Variants in PTPRR observed in about 807,000 individuals in gnomAD.
The protein encoded by PTPRR is receptor-type tyrosine-protein phosphatase R.
In PTPRR, 38 loss-of-function variants were observed where a neutral mutation model predicts 77.2. That is an observed-to-expected ratio of 0.49 (90% confidence interval 0.38 to 0.65). PTPRR has a LOEUF of 0.65. Among genes scored for constraint, PTPRR ranks in the 30% least tolerant of loss-of-function variants. The pLI is 0.00. For missense variants in PTPRR, 744 were observed against 799.2 expected (o/e 0.93, Z 0.83); for synonymous variants, 299 against 283.1 (o/e 1.06, Z -0.57).
chr12:70,745,682 T>G, intron 6 of PTPRR, 136 bp downstream of exon 6: 1 of 1,016,058 alleles, frequency 9.8e-7, no homozygotes, highest in South Asian at 1.7e-5. Flanking sequence ...CAAGAAACAC[T>G]ACTTCATCTG....
At chr12:70,911,016 G>A (rs1893691398) in intron 1 of PTPRR, among the ~76,000 whole-genome samples, 1 of 152,202 alleles carries the variant, frequency 6.6e-6, no homozygotes. Context: ...AAAATCAGCA[G>A]CGAGAAGAGT....
intron 10 of PTPRR, among the ~76,000 whole-genome samples, chr12:70,669,585 CACAA>C (rs935116142): frequency 2.0e-5 from 3 of 151,202 alleles, no homozygotes; most frequent in South Asian, 2.1e-4. Flanking sequence ...CACACACACA[CACAA>C]GCTTGCACAC....
intron 2 of PTPRR, among the ~76,000 whole-genome samples, chr12:70,891,860 C>T (rs1029329597): frequency 2.0e-5 from 3 of 152,048 alleles, no homozygotes; most frequent in African/African-American, 7.2e-5. Context: ...ATTGAATTAT[C>T]TTGGCCACAC....
At chr12:70,709,192 T>G (rs1257879129) in intron 6 of PTPRR, among the ~76,000 whole-genome samples, 1 of 151,992 alleles carries the variant, frequency 6.6e-6, no homozygotes, top group Non-Finnish European at 1.5e-5. Flanking sequence ...TAAATGTAAT[T>G]CATCACATAA....
At chr12:70,814,924 G>A (rs1241526941) in intron 2 of PTPRR, among the ~76,000 whole-genome samples, 1 of 151,776 alleles carries the variant, frequency 6.6e-6, no homozygotes, top group African/African-American at 2.4e-5. Flanking sequence ...CCCAATGTTT[G>A]GAATTCAATA....
intron 2 of PTPRR, among the ~76,000 whole-genome samples, chr12:70,874,053 G>A (rs1475035060): frequency 6.6e-6 from 1 of 152,146 alleles, no homozygotes; most frequent in African/African-American, 2.4e-5. Context: ...CAGCTTTAAG[G>A]AGCAGAACTC....
chr12:70,717,506 CACCAAATTG>C (rs2136832822), intron 6 of PTPRR, among the ~76,000 whole-genome samples: 1 of 152,218 alleles, frequency 6.6e-6, no homozygotes, highest in Non-Finnish European at 1.5e-5. Context: ...GGGATAGGGT[CACCAAATTG>C]AGCAAACACA....
chr12:70,764,824 G>A (rs555873305), intron 2 of PTPRR, 46 bp from the exon 3 acceptor site: 4 of 1,340,042 alleles, frequency 3.0e-6, no homozygotes, highest in East Asian at 4.8e-5. Flanking sequence ...GTATTAATTT[G>A]TATAGATGTA....
chr12:70,642,362 G>C (rs977623996), intron 13 of PTPRR, among the ~76,000 whole-genome samples: 4 of 152,096 alleles, frequency 2.6e-5, no homozygotes, highest in African/African-American at 9.7e-5. Flanking sequence ...TCAGCACAAT[G>C]CTCTTGTTTA....
chr12:70,721,059 A>G (rs1489910718), intron 6 of PTPRR, among the ~76,000 whole-genome samples: 1 of 152,204 alleles, frequency 6.6e-6, no homozygotes, highest in Non-Finnish European at 1.5e-5. Context: ...GATAATCCAC[A>G]AAAACACTCG....
At chr12:70,775,051 T>C (rs1891060182) in intron 2 of PTPRR, among the ~76,000 whole-genome samples, 2 of 152,352 alleles carry the variant, frequency 1.3e-5, no homozygotes, top group South Asian at 2.1e-4. Context: ...AACATACAAA[T>C]GATTTAACAT....
chr12:70,851,202 T>A (rs1892566127), intron 2 of PTPRR, among the ~76,000 whole-genome samples: 2 of 152,196 alleles, frequency 1.3e-5, no homozygotes, highest in South Asian at 4.1e-4. Flanking sequence ...CCCAGTTAGT[T>A]TCTGATTTCA....
At position 70,648,820 on chromosome 12, in the gene PTPRR, C is replaced by T. The variant is rs567211767; in HGVS notation, c.1880+7884G>A. ...GGAATGAAGGGATGATCCCTTAATGCCCTTCTAAATAAAACATTCGTGGGT... is the reference window on the plus strand; with the variant it reads ...GGAATGAAGGGATGATCCCTTAATGTCCTTCTAAATAAAACATTCGTGGGT... On this transcript the variant is annotated intron_variant, in intron 13 of 13. Coordinates refer to ENST00000283228, the MANE Select transcript of PTPRR (RefSeq NM_002849.4). 3.3e-5 allele frequency among the ~76,000 whole-genome samples: 5 copies of T among 152,130 alleles called. No homozygotes were observed. In the East Asian group the frequency reaches 9.7e-4, roughly 29 times the overall value.
intron 2 of PTPRR, among the ~76,000 whole-genome samples, chr12:70,888,416 T>C (rs1008471444): frequency 2.0e-5 from 3 of 152,224 alleles, no homozygotes; most frequent in South Asian, 2.1e-4. Flanking sequence ...GATTGCTCTA[T>C]GATTTCTACT....
At chr12:70,818,819 G>A (rs1483350068) in intron 2 of PTPRR, among the ~76,000 whole-genome samples, 1 of 132,546 alleles carries the variant, frequency 7.5e-6, no homozygotes, top group Non-Finnish European at 1.5e-5. Flanking sequence ...CACTTCACAG[G>A]TATCTATTCC....
At chr12:70,892,316 A>T (rs960032591) in intron 2 of PTPRR, among the ~76,000 whole-genome samples, 7 of 152,058 alleles carry the variant, frequency 4.6e-5, no homozygotes, top group African/African-American at 1.7e-4. Context: ...ACAGGCTGAG[A>T]CTAAGGCCTA....
chr12:70,747,582 T>G (rs992740578), intron 5 of PTPRR, among the ~76,000 whole-genome samples: 1 of 152,200 alleles, frequency 6.6e-6, no homozygotes, highest in Non-Finnish European at 1.5e-5. Context: ...TGATTTATAT[T>G]AGTGTAAAAC....
At chr12:70,740,372 C>CT (rs35415869) in intron 6 of PTPRR, among the ~76,000 whole-genome samples, 106 of 146,782 alleles carry the variant, frequency 7.2e-4, no homozygotes, top group African/African-American at 2.5e-3. Context: ...CTATGTTTCT[C>CT]TTTTTTTTTT....
intron 6 of PTPRR, among the ~76,000 whole-genome samples, chr12:70,739,498 G>A (rs1592721141): frequency 6.6e-6 from 1 of 152,220 alleles, no homozygotes. Context: ...ATCTTCAGAT[G>A]TGAAGCAACA....
Sources: gnomAD v4.1 joint callset for allele counts (sites outside exome capture counted in the v4.1 genomes callset) on GRCh38, gnomAD v4.1.1 for gene constraint, MANE v1.5 for transcripts, NCBI Gene and HGNC (gene_info 2026-07-23, HGNC 2026-07-21) for gene names.